RBFOX1: variants seen among roughly 807,000 people sequenced by gnomAD.
The protein encoded by RBFOX1 is RNA binding fox-1 homolog 1.
In RBFOX1, 8 loss-of-function variants were observed where a neutral mutation model predicts 57.7. The ratio of observed to expected loss-of-function variants is 0.14; its 90% CI spans 0.08 to 0.25. RBFOX1 has a LOEUF of 0.25. Ranked by LOEUF, RBFOX1 falls within the 10% of genes least tolerant of loss-of-function variation. The pLI, the probability that RBFOX1 is intolerant of heterozygous loss-of-function variation, is 1.00. For synonymous variants in RBFOX1, 326 were observed against 222.4 expected, an observed-to-expected ratio of 1.47 and a Z score of -4.15; for missense variants, 611 against 548.5, an observed-to-expected ratio of 1.11 and a Z score of -1.14.
intron 4 of RBFOX1, among the ~76,000 whole-genome samples, chr16:7,226,242 G>T (rs751531471): frequency 6.6e-6 from 1 of 152,166 alleles, no homozygotes; most frequent in Non-Finnish European, 1.5e-5. Flanking sequence ...TGGATATTCT[G>T]ATCAGGCAGG....
chr16:6,405,437 G>C (rs2093243155), intron 2 of RBFOX1, among the ~76,000 whole-genome samples: 1 of 152,134 alleles, frequency 6.6e-6, no homozygotes, highest in Non-Finnish European at 1.5e-5. Context: ...TCAGGCTATG[G>C]AGGCTTCACC....
At chr16:7,117,814 C>G (rs941586148) in intron 4 of RBFOX1, among the ~76,000 whole-genome samples, 2 of 152,154 alleles carry the variant, frequency 1.3e-5, no homozygotes, top group Admixed American at 6.6e-5. Flanking sequence ...AGAGACTCAT[C>G]TCGAACAGGA....
intron 4 of RBFOX1, among the ~76,000 whole-genome samples, chr16:7,324,484 G>A (rs915422933): frequency 2.6e-5 from 4 of 152,172 alleles, no homozygotes; most frequent in African/African-American, 9.7e-5. Context: ...TTTGCCTCAA[G>A]CAAGGTCAAC....
At chr16:5,255,353 C>CAT (rs879329057) in intron 1 of RBFOX1, among the ~76,000 whole-genome samples, 17,128 of 144,846 alleles carry the variant, frequency 0.12, 1,295 homozygotes, top group East Asian at 0.27. Context: ...TCCATCCATC[C>CAT]CTCCATCCAT....
chr16:5,241,780 T>C (rs2062173406), intron 1 of RBFOX1, among the ~76,000 whole-genome samples: 1 of 152,138 alleles, frequency 6.6e-6, no homozygotes, highest in Admixed American at 6.6e-5. Flanking sequence ...TTTGCAGTGA[T>C]GTTTTGTTCT....
At chr16:6,013,726 C>T (rs550632008) in intron 4 of RBFOX1, among the ~76,000 whole-genome samples, 45 of 152,154 alleles carry the variant, frequency 3.0e-4, no homozygotes, top group East Asian at 2.1e-3. Context: ...TAGTATTCCA[C>T]GGTGTATGTG....
At chr16:6,769,817 G>A (rs1327891816) in intron 3 of RBFOX1, among the ~76,000 whole-genome samples, 1 of 152,134 alleles carries the variant, frequency 6.6e-6, no homozygotes, top group Non-Finnish European at 1.5e-5. Flanking sequence ...CAGCAATGAT[G>A]CCACAAAACA....
chr16:6,775,185 AAGTT>A (rs993513310), intron 3 of RBFOX1, among the ~76,000 whole-genome samples: 2 of 151,132 alleles, frequency 1.3e-5, no homozygotes, highest in African/African-American at 2.4e-5. Context: ...AAAAAAAAAA[AAGTT>A]AGCCTGGTGT....
intron 3 of RBFOX1, among the ~76,000 whole-genome samples, chr16:6,804,040 A>G (rs1210493494): frequency 6.6e-6 from 1 of 151,754 alleles, no homozygotes; most frequent in Admixed American, 6.6e-5. Flanking sequence ...GGAGTCTTGC[A>G]CTGTCACCCT....
intron 2 of RBFOX1, among the ~76,000 whole-genome samples, chr16:6,534,963 A>T (rs1371842424): frequency 6.6e-6 from 1 of 152,188 alleles, no homozygotes; most frequent in African/African-American, 2.4e-5. Flanking sequence ...TTTCTGTAGC[A>T]GGAGGTATGA....
At chr16:5,714,038 A>G (rs1383674952) in intron 3 of RBFOX1, among the ~76,000 whole-genome samples, 6 of 152,218 alleles carry the variant, frequency 3.9e-5, no homozygotes, top group Non-Finnish European at 8.8e-5. Flanking sequence ...AAGAAAGGCA[A>G]TAAAATATGA....
At position 5,894,353 on chromosome 16, in the gene RBFOX1, G is replaced by A. The variant is rs183130327; in HGVS notation, c.351+27018G>A. Among the ~76,000 whole-genome samples the A allele has an allele frequency of 2.6e-5, 4 of 152,294 alleles. No individual in the cohort carries two copies. In the East Asian group the frequency reaches 7.7e-4, roughly 29 times the overall value. On this transcript the variant is annotated intron_variant, in intron 4 of 19. Coordinates refer to the RBFOX1 transcript ENST00000641259. Reference sequence around the variant, plus strand: ...GCTGGAGTGCAGTGGCACAGTTTTGGCTCACTTTCACCTCCACCTCCTGGG... The same window carrying A: ...GCTGGAGTGCAGTGGCACAGTTTTGACTCACTTTCACCTCCACCTCCTGGG...
intron 4 of RBFOX1, among the ~76,000 whole-genome samples, chr16:7,337,722 T>C (rs762400581): frequency 1.2e-4 from 19 of 152,322 alleles, no homozygotes; most frequent in Non-Finnish European, 2.5e-4. Context: ...TCTCACTCTG[T>C]CACCCAGGCT....
At chr16:7,412,011 A>T (rs1244189708) in intron 4 of RBFOX1, among the ~76,000 whole-genome samples, 1 of 152,012 alleles carries the variant, frequency 6.6e-6, no homozygotes, top group Non-Finnish European at 1.5e-5. Flanking sequence ...CTCAGATGGG[A>T]TCCTGGAGCC....
rs183050196 is a variant in RBFOX1, at chr16:6,169,362, C to T, written c.-126-147633C>T. Among the ~76,000 whole-genome samples, 70 of 151,938 alleles carry T rather than the reference C, an allele frequency of 4.6e-4. 2 individuals carry two copies. Among genetic ancestry groups the T allele is most frequent in the African/African-American group, 1.5e-3 (64 of 41,436 alleles). On this transcript the variant is annotated intron_variant, in intron 1 of 15. Coordinates refer to ENST00000550418, the MANE Select transcript of RBFOX1 (RefSeq NM_018723.4). Reference sequence around the variant, plus strand: ...AAGGAGTGGAGAGAAAAGAAAATTTCGGGATTTGAATTCTTATACATGGAA... The same window carrying T: ...AAGGAGTGGAGAGAAAAGAAAATTTTGGGATTTGAATTCTTATACATGGAA...
intron 4 of RBFOX1, among the ~76,000 whole-genome samples, chr16:7,125,432 G>A (rs1341373293): frequency 1.3e-5 from 2 of 152,192 alleles, no homozygotes; most frequent in South Asian, 2.1e-4. Context: ...AAGAAGTCAT[G>A]TTTAAACGTC....
At chr16:6,239,085 A>T (rs371516219) in intron 1 of RBFOX1, among the ~76,000 whole-genome samples, 1 of 152,056 alleles carries the variant, frequency 6.6e-6, no homozygotes, top group African/African-American at 2.4e-5. Context: ...AAAGGTAAGA[A>T]CCTCTAATAT....
intron 3 of RBFOX1, among the ~76,000 whole-genome samples, chr16:7,032,812 C>G (rs971461051): frequency 6.6e-6 from 1 of 152,124 alleles, no homozygotes; most frequent in Non-Finnish European, 1.5e-5. Context: ...ACTAAAAATG[C>G]GTTTGGTGTC....
chr16:6,907,076 C>T (rs564670213), intron 3 of RBFOX1, among the ~76,000 whole-genome samples: 5 of 152,232 alleles, frequency 3.3e-5, no homozygotes, highest in African/African-American at 1.2e-4. Context: ...ATGTCATCTC[C>T]GTATTCCAAG....
Sources: gnomAD v4.1 joint callset for allele counts (sites outside exome capture counted in the v4.1 genomes callset) on GRCh38, gnomAD v4.1.1 for gene constraint, MANE v1.5 for transcripts, NCBI Gene and HGNC (gene_info 2026-07-23, HGNC 2026-07-21) for gene names.